Variants in MKLN1 observed in about 807,000 individuals in gnomAD.
MKLN1 encodes the protein muskelin 1.
In MKLN1, 18 loss-of-function variants were observed where a neutral mutation model predicts 99.0. The observed-to-expected ratio is 0.18, with a 90% CI of 0.13 to 0.27. The LOEUF (loss-of-function observed/expected upper bound fraction) is 0.27. Ranked by LOEUF, MKLN1 falls within the 10% of genes least tolerant of loss-of-function variation. MKLN1 has a pLI of 1.00. For synonymous variants in MKLN1, 288 were observed against 293.2 expected, an observed-to-expected ratio of 0.98 and a Z score of 0.18; for missense variants, 621 against 875.9, an observed-to-expected ratio of 0.71 and a Z score of 3.67.
intron 1 of MKLN1, among the ~76,000 whole-genome samples, chr7:131,355,632 A>G (rs1392060324): frequency 1.7e-5 from 1 of 59,038 alleles, no homozygotes; most frequent in Non-Finnish European, 3.9e-5. Context: ...TTGATACTAT[A>G]TATATATATA....
intron 9 of MKLN1, among the ~76,000 whole-genome samples, chr7:131,429,568 A>G (rs1283304001): frequency 6.6e-6 from 1 of 151,998 alleles, no homozygotes; most frequent in Non-Finnish European, 1.5e-5. Context: ...ACTATATGTC[A>G]GTTTTCATAA....
intron 1 of MKLN1, among the ~76,000 whole-genome samples, chr7:131,137,987 G>A (rs1262884034): frequency 7.5e-5 from 11 of 146,016 alleles, no homozygotes; most frequent in South Asian, 2.1e-4. Flanking sequence ...GTGCAATGGC[G>A]TGATCTCGGC....
At chr7:131,150,979 T>TA (rs1374828938) in intron 2 of MKLN1, among the ~76,000 whole-genome samples, 3 of 152,210 alleles carry the variant, frequency 2.0e-5, no homozygotes, top group Non-Finnish European at 4.4e-5. Flanking sequence ...GTAAGTGGTT[T>TA]AAAAAATGTT....
chr7:131,229,765 G>C (rs1797214238), intron 3 of MKLN1, among the ~76,000 whole-genome samples: 1 of 151,898 alleles, frequency 6.6e-6, no homozygotes, highest in Non-Finnish European at 1.5e-5. Flanking sequence ...TGTTGCCCGG[G>C]CTGGTGTCGA....
At chr7:131,411,195 T>C in intron 6 of MKLN1, 111 bp from the exon 7 acceptor site, 1 of 590,606 alleles carries the variant, frequency 1.7e-6, no homozygotes, top group Non-Finnish European at 3.0e-6. Flanking sequence ...TTTGTATTAG[T>C]GACATATTAG....
chr7:131,172,043 C>T (rs561216797), intron 2 of MKLN1, among the ~76,000 whole-genome samples: 5 of 152,288 alleles, frequency 3.3e-5, no homozygotes, highest in African/African-American at 1.2e-4. Flanking sequence ...GTGAGCCTTT[C>T]ACCTTCCACC....
At chr7:131,476,408 A>G (rs1418046081) in intron 16 of MKLN1, among the ~76,000 whole-genome samples, 1 of 152,222 alleles carries the variant, frequency 6.6e-6, no homozygotes, top group East Asian at 1.9e-4. Flanking sequence ...CATGGTGTCT[A>G]CAAAACAATA....
chr7:131,245,480 C>T (rs1797472961), intron 3 of MKLN1, among the ~76,000 whole-genome samples: 1 of 152,172 alleles, frequency 6.6e-6, no homozygotes, highest in African/African-American at 2.4e-5. Flanking sequence ...ATTAGCCAGG[C>T]TGGTCTCGAA....
intron 3 of MKLN1, among the ~76,000 whole-genome samples, chr7:131,307,033 G>C (rs1457928416): frequency 1.3e-5 from 2 of 152,080 alleles, no homozygotes; most frequent in Non-Finnish European, 2.9e-5. Context: ...CTGCATCCCA[G>C]CCACAGTTGG....
chr7:131,177,877 G>GA (rs1477566511), intron 2 of MKLN1, among the ~76,000 whole-genome samples: 6 of 152,182 alleles, frequency 3.9e-5, no homozygotes, highest in South Asian at 2.1e-4. Context: ...TTGGAGGTAG[G>GA]AAGTCCAGGA....
At chr7:131,150,879 A>C (rs1480961329) in intron 2 of MKLN1, among the ~76,000 whole-genome samples, 1 of 152,066 alleles carries the variant, frequency 6.6e-6, no homozygotes, top group Admixed American at 6.6e-5. Flanking sequence ...TTAGATAAAT[A>C]AAATGTCTTT....
At chr7:131,392,930 CAG>C (rs1166336647) in intron 4 of MKLN1, among the ~76,000 whole-genome samples, 1 of 150,540 alleles carries the variant, frequency 6.6e-6, no homozygotes, top group Non-Finnish European at 1.5e-5. Flanking sequence ...TTTTAAGAGG[CAG>C]AGTCTTGCTC....
intron 16 of MKLN1, among the ~76,000 whole-genome samples, chr7:131,473,434 C>T (rs937156412): frequency 1.3e-5 from 2 of 151,868 alleles, no homozygotes; most frequent in African/African-American, 4.8e-5. Flanking sequence ...AGCTGACTAT[C>T]AACTATATAA....
At chr7:131,247,235 C>CTTTTTTTTTTTTT (rs72068521) in intron 3 of MKLN1, among the ~76,000 whole-genome samples, 122 of 141,130 alleles carry the variant, frequency 8.6e-4, no homozygotes, top group East Asian at 3.2e-3. Flanking sequence ...TTTCTTTTTT[C>CTTTTTTTTTTTTT]TTTTTTTTTT....
At chr7:131,463,169 T>C in intron 12 of MKLN1, 48 bp from the exon 13 acceptor site, 1 of 1,415,380 alleles carries the variant, frequency 7.1e-7, no homozygotes, top group Non-Finnish European at 9.8e-7. Flanking sequence ...GAAATACTAA[T>C]CTATCTAATG....
At chr7:131,304,358 A>T (rs1480489429) in intron 3 of MKLN1, among the ~76,000 whole-genome samples, 1 of 152,238 alleles carries the variant, frequency 6.6e-6, no homozygotes, top group Non-Finnish European at 1.5e-5. Flanking sequence ...TTGGCAACAG[A>T]GTGAGACTCT....
chr7:131,313,933 A>G (rs1386722138), intron 3 of MKLN1, among the ~76,000 whole-genome samples: 1 of 152,226 alleles, frequency 6.6e-6, no homozygotes, highest in Non-Finnish European at 1.5e-5. Flanking sequence ...TGGGTCCCCA[A>G]AAAGAGGGAA....
At chr7:131,382,714 A>ATATAT (rs1563321458) in intron 2 of MKLN1, among the ~76,000 whole-genome samples, 1 of 148,822 alleles carries the variant, frequency 6.7e-6, no homozygotes, top group East Asian at 2.0e-4. Flanking sequence ...TTAGCTATAG[A>ATATAT]TATTTTATTT....
intron 12 of MKLN1, among the ~76,000 whole-genome samples, chr7:131,448,552 TTC>T (rs1796085618): frequency 6.6e-6 from 1 of 152,232 alleles, no homozygotes; most frequent in South Asian, 2.1e-4. Context: ...TTTGATATAT[TTC>T]TGTCTAGTCT....
Sources: gnomAD v4.1 joint callset for allele counts (sites outside exome capture counted in the v4.1 genomes callset) on GRCh38, gnomAD v4.1.1 for gene constraint, MANE v1.5 for transcripts, NCBI Gene and HGNC (gene_info 2026-07-23, HGNC 2026-07-21) for gene names.